SOX5: variants seen among roughly 807,000 people sequenced by gnomAD.
The protein encoded by SOX5 is SRY-box transcription factor 5.
SOX5 carries 9 observed loss-of-function variants against 92.0 expected under a neutral mutation model. That is an observed-to-expected ratio of 0.10 (90% CI 0.06 to 0.17). The LOEUF is 0.17. SOX5 is among the 10% of genes least tolerant of loss of function. SOX5 has a pLI of 1.00. For missense variants in SOX5, 642 were observed against 944.5 expected, an observed-to-expected ratio of 0.68 and a Z score of 4.20; for synonymous variants, 344 against 336.3, an observed-to-expected ratio of 1.02 and a Z score of -0.25.
intron 1 of SOX5, among the ~76,000 whole-genome samples, chr12:24,461,657 T>C (rs575475246): frequency 2.0e-5 from 3 of 152,292 alleles, no homozygotes; most frequent in African/African-American, 7.2e-5. Flanking sequence ...GTATTATGTC[T>C]AGTAATTTTT....
chr12:24,430,592 G>A (rs1026210167), intron 1 of SOX5, among the ~76,000 whole-genome samples: 13 of 151,916 alleles, frequency 8.6e-5, no homozygotes, highest in Admixed American at 2.6e-4. Context: ...AACAACAAGT[G>A]CACTTCCTTA....
At chr12:23,757,378 G>A (rs1254880742) in intron 3 of SOX5, among the ~76,000 whole-genome samples, 1 of 151,858 alleles carries the variant, frequency 6.6e-6, no homozygotes, top group Admixed American at 6.6e-5. Context: ...AATATTAACA[G>A]CAACTCTAGG....
intron 2 of SOX5, among the ~76,000 whole-genome samples, chr12:24,349,484 T>C (rs530760609): frequency 3.9e-5 from 6 of 152,208 alleles, no homozygotes; most frequent in Admixed American, 2.6e-4. Flanking sequence ...CTCTATGATT[T>C]TGACTGCTTT....
chr12:24,152,118 T>C (rs994758203), intron 4 of SOX5, among the ~76,000 whole-genome samples: 13 of 152,184 alleles, frequency 8.5e-5, no homozygotes, highest in African/African-American at 3.1e-4. Flanking sequence ...AGAAATCTTA[T>C]CTCAAATCTT....
At chr12:23,953,376 C>G (rs191551659), upstream of SOX5, among the ~76,000 whole-genome samples, 2 of 151,942 alleles carry the variant, frequency 1.3e-5, no homozygotes, top group Non-Finnish European at 2.9e-5. Context: ...AACCCAAATT[C>G]TTTTTCAATT....
At chr12:24,070,378 C>A (rs915304811) in intron 4 of SOX5, among the ~76,000 whole-genome samples, 1 of 152,070 alleles carries the variant, frequency 6.6e-6, no homozygotes, top group Non-Finnish European at 1.5e-5. Flanking sequence ...AAAAATAATG[C>A]TCCATAATGG....
At chr12:24,426,206 CAAA>C (rs1303219935) in intron 1 of SOX5, among the ~76,000 whole-genome samples, 11 of 147,878 alleles carry the variant, frequency 7.4e-5, no homozygotes, top group African/African-American at 2.8e-4. Context: ...GTCTCAAAAA[CAAA>C]CAAACAAACA....
In SOX5 at chr12:24,422,269, T is replaced by C. The variant is rs559623729; in HGVS notation, c.-250-53630A>G. On this transcript the variant is annotated intron_variant, in intron 1 of 4. Coordinates refer to the SOX5 transcript ENST00000446891. ...AAATCAATACTGGATATGATCAACATTACTAATATTGATCAATATCTGCTT... is the reference window on the plus strand; with the variant it reads ...AAATCAATACTGGATATGATCAACACTACTAATATTGATCAATATCTGCTT... Among the ~76,000 whole-genome samples the C allele has an allele frequency of 4.6e-5, 7 of 152,312 alleles. No homozygotes were observed. The East Asian group carries it at 1.2e-3, about 25-fold the overall frequency.
rs1939395159 is a variant in SOX5 at position 23,532,949 on chromosome 12, T to A, written c.*1270A>T. On this transcript the variant is annotated 3_prime_UTR_variant, in exon 15 of 15. Coordinates refer to ENST00000451604, the MANE Select transcript of SOX5 (RefSeq NM_006940.6). ...AACAAAAATCACTAAGTAGCAAACG[T>A]TAATGGAACCAACTGACCAGGGAGA... The A allele has an allele frequency of 5.9e-6, 1 of 169,350 alleles. No individual in the cohort carries two copies. Among genetic ancestry groups the A allele is most frequent in the African/African-American group, 2.4e-5 (1 of 42,042 alleles). The allele number at this position is 169,350 out of a possible 1,614,324, so 10.5% of individuals were successfully genotyped here.
At position 24,546,325 on chromosome 12, in the gene SOX5, G is replaced by C. The variant is rs1033147904; in HGVS notation, c.-251+16004C>G. ...TAGTTTTCCATTTTTTGCTTACTCT[G>C]TCATTCATTCACAAGCAAAGCAGAC... On this transcript the variant is annotated intron_variant, in intron 1 of 4. Transcript: ENST00000446891. Among the ~76,000 whole-genome samples, 14 of 152,052 alleles carry C rather than the reference G, an allele frequency of 9.2e-5. No homozygotes were observed. In the East Asian group the frequency reaches 2.7e-3, roughly 29 times the overall value.
chr12:23,715,872 TAAAC>T (rs1161904173), intron 6 of SOX5, among the ~76,000 whole-genome samples: 4 of 149,840 alleles, frequency 2.7e-5, no homozygotes, highest in Non-Finnish European at 5.9e-5. Context: ...AGTTAACAAT[TAAAC>T]AACCTTAATC....
intron 6 of SOX5, among the ~76,000 whole-genome samples, chr12:23,734,301 A>C (rs1185081752): frequency 6.6e-6 from 1 of 152,180 alleles, no homozygotes; most frequent in Non-Finnish European, 1.5e-5. Context: ...GCAATAAAAA[A>C]GTTCTATCTG....
chr12:24,184,152 C>T (rs902983202), intron 4 of SOX5, among the ~76,000 whole-genome samples: 1 of 151,970 alleles, frequency 6.6e-6, no homozygotes, highest in East Asian at 1.9e-4. Flanking sequence ...AATTAGATAG[C>T]CTTACAGCTA....
chr12:24,111,511 A>C (rs1947343807), intron 4 of SOX5, among the ~76,000 whole-genome samples: 1 of 152,216 alleles, frequency 6.6e-6, no homozygotes, highest in Non-Finnish European at 1.5e-5. Context: ...TGTGCATATC[A>C]TTAAGAAATA....
rs1946254374 is a variant in SOX5, at chr12:24,102,914, G to C, written c.-2+110429C>G. Among the ~76,000 whole-genome samples, 3 of 152,142 alleles carry C rather than the reference G, an allele frequency of 2.0e-5. No individual in the cohort carries two copies. In the South Asian group the frequency reaches 6.2e-4, roughly 32 times the overall value. ...AAGACTGTGGAGATAAGATTTCACT[G>C]ACATACAGAACAAAGAAAAAGAAAG... On this transcript the variant is annotated intron_variant, in intron 4 of 4. Coordinates refer to the SOX5 transcript ENST00000446891.
At chr12:23,586,499 A>G (rs1423373242) in intron 9 of SOX5, among the ~76,000 whole-genome samples, 1 of 152,130 alleles carries the variant, frequency 6.6e-6, no homozygotes, top group Non-Finnish European at 1.5e-5. Context: ...AAATTCTTGC[A>G]TTTCATTTCG....
intron 4 of SOX5, among the ~76,000 whole-genome samples, chr12:24,177,761 G>A (rs1388922086): frequency 9.0e-6 from 1 of 111,044 alleles, no homozygotes; most frequent in African/African-American, 3.7e-5. Context: ...AGGGTCACTA[G>A]GCTCTTGTCA....
rs2135840263 is a variant in SOX5 at position 23,533,999 on chromosome 12, T to A, written c.*220A>T. The A allele has an allele frequency of 4.3e-6, 2 of 464,534 alleles. No homozygotes were observed. Among genetic ancestry groups the A allele is most frequent in the East Asian group, 7.0e-5 (2 of 28,440 alleles). 28.8% of individuals were successfully genotyped at this position (464,534 alleles called of 1,614,324 possible). On this transcript the variant is annotated 3_prime_UTR_variant, in exon 15 of 15. Coordinates refer to ENST00000451604, the MANE Select transcript of SOX5 (RefSeq NM_006940.6). The stretch of plus-strand genomic sequence containing the variant: ...TTATTTTACCCATAGCTTATTTCAA[T>A]CTCTTGTTGTTGATATTGTTGTTTG...
At chr12:24,546,299 C>A (rs1349405151) in intron 1 of SOX5, among the ~76,000 whole-genome samples, 1 of 152,134 alleles carries the variant, frequency 6.6e-6, no homozygotes, top group African/African-American at 2.4e-5. Flanking sequence ...ACTTCAGGAG[C>A]TAGTTTTCCA....
Sources: allele counts gnomAD v4.1 joint callset (sites outside exome capture counted in the v4.1 genomes callset), GRCh38; gene constraint gnomAD v4.1.1; transcripts MANE v1.5; gene names NCBI Gene and HGNC (gene_info 2026-07-23, HGNC 2026-07-21).